Variants in SAMD4A observed in about 807,000 individuals in gnomAD.
SAMD4A encodes sterile alpha motif domain containing 4A, also known as protein Smaug homolog 1.
SAMD4A carries 33 observed loss-of-function variants against 81.3 expected under a neutral mutation model. The observed-to-expected ratio is 0.41, with a 90% confidence interval of 0.31 to 0.54. The LOEUF (loss-of-function observed/expected upper bound fraction) is 0.54, where lower values mean the gene tolerates loss of function less well. Ranked by LOEUF, SAMD4A falls within the 20% of genes least tolerant of loss-of-function variation. The probability of loss-of-function intolerance (pLI) is 0.37; values close to 1 mark genes in which losing one functional copy is unlikely to be tolerated. For missense variants in SAMD4A, 854 were observed against 951.1 expected (o/e 0.90, Z 1.34); for synonymous variants, 389 against 382.1 (o/e 1.02, Z -0.21).
At chr14:54,766,270 A>G (rs775745880) in intron 8 of SAMD4A, among the ~76,000 whole-genome samples, 1 of 152,206 alleles carries the variant, frequency 6.6e-6, no homozygotes, top group Non-Finnish European at 1.5e-5. Flanking sequence ...AGGAAGAGAA[A>G]GCAAGAACAC....
intron 9 of SAMD4A, among the ~76,000 whole-genome samples, chr14:54,774,353 G>T (rs575743637): frequency 6.6e-5 from 10 of 152,238 alleles, no homozygotes; most frequent in African/African-American, 2.4e-4. Flanking sequence ...GTTAGCTGCT[G>T]TTTTAATTAT....
In SAMD4A at chr14:54,567,990, C is replaced by A; in HGVS notation, c.74C>A (p.Ala25Glu). ...TGGAACGAGTGCGAGCAGACTGTTG[C>A]GCTGCTGTCGCTGCTCAAGCGCGTG... Reference protein sequence around the residue: ...KGWNECEQTVALLSLLKRVSQ... With the variant: ...KGWNECEQTVELLSLLKRVSQ... Residue 25 changes from alanine (A) to glutamate (E), a missense_variant, in exon 2 of 13, where the codon GCG (alanine) becomes GAG (glutamate). Transcript: ENST00000554335. 2.5e-6 allele frequency: 4 copies of A among 1,609,358 alleles called. No homozygotes were observed. The highest frequency in any genetic ancestry group is 3.4e-6 in the Non-Finnish European group (4 of 1,179,564).
chr14:54,740,754 G>T (rs1048985157), intron 4 of SAMD4A, among the ~76,000 whole-genome samples: 1 of 152,112 alleles, frequency 6.6e-6, no homozygotes, highest in East Asian at 1.9e-4. Context: ...CCCTGCCAGG[G>T]ACTGTCACTA....
intron 2 of SAMD4A, among the ~76,000 whole-genome samples, chr14:54,659,227 G>C (rs2035587266): frequency 6.6e-6 from 1 of 152,206 alleles, no homozygotes; most frequent in Non-Finnish European, 1.5e-5. Context: ...GGGTTACCCA[G>C]CTATCCTGGG....
At chr14:54,566,070 TAATC>T (rs2032921320), upstream of SAMD4A, among the ~76,000 whole-genome samples, 1 of 151,914 alleles carries the variant, frequency 6.6e-6, no homozygotes, top group African/African-American at 2.4e-5. Context: ...TGGTGTATGT[TAATC>T]AGTAGCATGT....
At chr14:54,721,214 T>A (rs1337186639) in intron 3 of SAMD4A, among the ~76,000 whole-genome samples, 1 of 152,202 alleles carries the variant, frequency 6.6e-6, no homozygotes, top group Non-Finnish European at 1.5e-5. Flanking sequence ...AGCATTCCAT[T>A]GTCTAAAACT....
At chr14:54,590,195 A>C (rs2033736952) in intron 2 of SAMD4A, among the ~76,000 whole-genome samples, 1 of 152,234 alleles carries the variant, frequency 6.6e-6, no homozygotes, top group African/African-American at 2.4e-5. Flanking sequence ...AAAATAAAGC[A>C]GGGGAAAGGA....
intron 2 of SAMD4A, among the ~76,000 whole-genome samples, chr14:54,641,488 C>G (rs1306194361): frequency 6.6e-6 from 1 of 152,080 alleles, no homozygotes; most frequent in African/African-American, 2.4e-5. Context: ...TTTTTCTTTA[C>G]TGCTTCACTA....
intron 3 of SAMD4A, among the ~76,000 whole-genome samples, chr14:54,724,039 AG>A (rs559825796): frequency 6.6e-6 from 1 of 150,982 alleles, no homozygotes; most frequent in African/African-American, 2.5e-5. Flanking sequence ...GAAGGAAGGA[AG>A]GAAGGAAGGA....
intron 2 of SAMD4A, among the ~76,000 whole-genome samples, chr14:54,635,548 G>A (rs369026118): frequency 2.0e-5 from 3 of 147,550 alleles, no homozygotes; most frequent in East Asian, 3.9e-4. Context: ...TCAGGCGTTC[G>A]AGACCAGCCT....
intron 3 of SAMD4A, among the ~76,000 whole-genome samples, chr14:54,736,120 T>C (rs17127850): frequency 0.02 from 3,098 of 152,300 alleles, 84 homozygotes; most frequent in African/African-American, 0.067. Flanking sequence ...GCTCCTTCAG[T>C]GTTGGTTTTT....
At chr14:54,589,038 T>G (rs2033702706) in intron 2 of SAMD4A, among the ~76,000 whole-genome samples, 2 of 152,206 alleles carry the variant, frequency 1.3e-5, no homozygotes, top group African/African-American at 4.8e-5. Context: ...ATATTAAGAA[T>G]TATAACATTT....
chr14:54,779,229 T>A (rs1311108634), intron 11 of SAMD4A, among the ~76,000 whole-genome samples: 1 of 152,156 alleles, frequency 6.6e-6, no homozygotes, highest in Non-Finnish European at 1.5e-5. Flanking sequence ...AGACTACAAA[T>A]ATCATGTCAG....
intron 2 of SAMD4A, among the ~76,000 whole-genome samples, chr14:54,604,654 A>C (rs1158051305): frequency 6.6e-6 from 1 of 152,198 alleles, no homozygotes; most frequent in African/African-American, 2.4e-5. Context: ...ATAAATCCTA[A>C]ATGAAAAAAG....
chr14:54,762,392 A>G (rs1175558536), intron 7 of SAMD4A, among the ~76,000 whole-genome samples: 1 of 152,098 alleles, frequency 6.6e-6, no homozygotes, highest in Non-Finnish European at 1.5e-5. Context: ...CCACCCTTCC[A>G]CCACCCACCT....
chr14:54,752,056 G>T (rs1232038729), intron 6 of SAMD4A, among the ~76,000 whole-genome samples: 1 of 152,230 alleles, frequency 6.6e-6, no homozygotes, highest in Non-Finnish European at 1.5e-5. Flanking sequence ...TGGCTCTCAA[G>T]AGAATAATTC....
chr14:54,572,334 G>C (rs1394858113), intron 2 of SAMD4A, among the ~76,000 whole-genome samples: 1 of 152,116 alleles, frequency 6.6e-6, no homozygotes, highest in African/African-American at 2.4e-5. Flanking sequence ...GAGTCCTGAG[G>C]GGCGAATAGG....
chr14:54,784,211 C>T, intron 11 of SAMD4A: 2 of 691,544 alleles, frequency 2.9e-6, no homozygotes, highest in South Asian at 1.7e-5. Flanking sequence ...GGGCCTGGAT[C>T]ATGCGGGGCC....
intron 2 of SAMD4A, among the ~76,000 whole-genome samples, chr14:54,676,697 T>C (rs964325871): frequency 6.6e-5 from 10 of 152,234 alleles, no homozygotes; most frequent in African/African-American, 2.4e-4. Flanking sequence ...TTTAGTTCTT[T>C]CAGTATATTT....
Sources: allele counts gnomAD v4.1 joint callset (sites outside exome capture counted in the v4.1 genomes callset), GRCh38; gene constraint gnomAD v4.1.1; transcripts MANE v1.5; gene names NCBI Gene and HGNC (gene_info 2026-07-23, HGNC 2026-07-21).